The following SORL1 variants were observed in gnomAD, a reference collection of about 807,000 sequenced individuals.
SORL1 encodes sortilin-related receptor.
In SORL1, 127 loss-of-function variants were observed where a neutral mutation model predicts 273.7. The observed-to-expected ratio is 0.46, with a 90% CI of 0.40 to 0.54. The LOEUF is 0.54. SORL1 is among the 20% of genes least tolerant of loss of function. SORL1 has a pLI of 0.00. For missense variants in SORL1, 2,494 were observed against 2,846.1 expected, an observed-to-expected ratio of 0.88 and a Z score of 2.81; for synonymous variants, 1,031 against 1,067.4, an observed-to-expected ratio of 0.97 and a Z score of 0.66.
At chr11:121,579,232 T>TC (rs1253483247) in intron 25 of SORL1, among the ~76,000 whole-genome samples, 1 of 152,240 alleles carries the variant, frequency 6.6e-6, no homozygotes, top group African/African-American at 2.4e-5. Context: ...GCAGCCTTGT[T>TC]CCAAGGGCTG....
chr11:121,532,395 G>T, intron 11 of SORL1, 69 bp from the exon 12 acceptor site: 3 of 1,387,982 alleles, frequency 2.2e-6, no homozygotes, highest in Non-Finnish European at 2.0e-6. Context: ...ATGCCTGTGG[G>T]CATGTGTACA....
intron 23 of SORL1, among the ~76,000 whole-genome samples, chr11:121,572,565 TC>T (rs750496030): frequency 6.6e-6 from 1 of 152,154 alleles, no homozygotes; most frequent in Non-Finnish European, 1.5e-5. Context: ...CATGTGTGTC[TC>T]CCTCATCAAG....
chr11:121,452,416 G>T lies in SORL1; in HGVS notation c.85G>T (p.Glu29Ter). 6.6e-7 allele frequency: 1 copy of T among 1,523,302 alleles called. No individual in the cohort carries two copies. The highest frequency in any genetic ancestry group is 8.8e-7 in the Non-Finnish European group (1 of 1,138,496). The allele number at this position is 1,523,302 out of a possible 1,614,324, so 94.4% of individuals were successfully genotyped here. ...ACTGCTGCCGCCCGGAGCTCTCTGC[G>T]AAGTCTGGACGCAGAGGCTGCACGG... ...VALLPPGALC[E>*]VWTQRLHGGS... is the part of the protein sequence containing the mutation. Residue 29 changes from glutamate to a stop codon, truncating the protein, a stop_gained, in exon 1 of 48, where the codon GAA (glutamate) becomes TAA (stop). Transcript: ENST00000260197. LOFTEE classifies it high-confidence loss of function. The surrounding 1 kb of genome is among the most constrained non-coding windows in gnomAD (Gnocchi z 5.3).
At chr11:121,461,986 G>A (rs1861007883) in intron 1 of SORL1, among the ~76,000 whole-genome samples, 1 of 152,160 alleles carries the variant, frequency 6.6e-6, no homozygotes, top group South Asian at 2.1e-4. Flanking sequence ...AAATGGGGAA[G>A]ATAAGAATGA....
At chr11:121,523,777 C>G (rs540623332) in intron 11 of SORL1, among the ~76,000 whole-genome samples, 1 of 152,122 alleles carries the variant, frequency 6.6e-6, no homozygotes, top group South Asian at 2.1e-4. Flanking sequence ...ACCTTGTCAT[C>G]GAGCAGCCCC....
In SORL1 at chr11:121,605,387, T is replaced by A. The variant is rs1451097704; in HGVS notation, c.4779-15T>A. The A allele has an allele frequency of 1.2e-6, 2 of 1,601,278 alleles. No homozygotes were observed. The highest frequency in any genetic ancestry group is 2.7e-5 in the African/African-American group (2 of 74,424). On this transcript the variant is annotated splice_polypyrimidine_tract_variant and intron_variant, in intron 34 of 47. Coordinates refer to ENST00000260197, the MANE Select transcript of SORL1 (RefSeq NM_003105.6). ...TGCTCCAGTGTGACAATATCTTTAT[T>A]TTTTTTTGGGCCAGGGTGGTTGGAG...
chr11:121,619,721 T>C (rs907426159), intron 42 of SORL1, 32 bp from the exon 43 acceptor site: 3 of 1,546,724 alleles, frequency 1.9e-6, no homozygotes, highest in Non-Finnish European at 2.7e-6. Context: ...CCATGATGTA[T>C]TTTTTTTCCT....
rs1017539612 is a variant in SORL1 at position 121,479,080 on chromosome 11, A to G, written c.528+837A>G. Reference sequence around the variant, plus strand: ...CCCCGGCCTCTGAACCTGTACCGATATGGAAAAGAAAACCAAGGCAGCAGA... The same window carrying G: ...CCCCGGCCTCTGAACCTGTACCGATGTGGAAAAGAAAACCAAGGCAGCAGA... On this transcript the variant is annotated intron_variant, in intron 3 of 47. Transcript: ENST00000260197. 4.6e-5 allele frequency among the ~76,000 whole-genome samples: 7 copies of G among 152,084 alleles called. No individual in the cohort carries two copies. The East Asian group carries it at 9.7e-4, about 21-fold the overall frequency.
At chr11:121,478,977 C>T (rs552222837) in intron 3 of SORL1, among the ~76,000 whole-genome samples, 1 of 146,978 alleles carries the variant, frequency 6.8e-6, no homozygotes, top group East Asian at 2.0e-4. Context: ...TGCTTGTGTG[C>T]ACGTGGGTAC....
Position 121,452,462 on chromosome 11 carries a change from A to G in SORL1, c.131A>G (p.Gln44Arg), listed in dbSNP as rs1276253218. Residue 44 changes from glutamine (Q) to arginine (R), a missense_variant, in exon 1 of 48, where the codon CAG becomes CGG. Transcript: ENST00000260197. This position sits in a 1 kb window ranked among gnomAD's most constrained non-coding sequence, Gnocchi z 5.3. ...RLHGGSAPLP[Q>R]DRGFLVVQGD... ...CACGGCGGCAGCGCGCCCTTGCCCC[A>G]GGACCGGGGCTTCCTCGTGGTGCAG... is the stretch of plus-strand genomic sequence containing the variant. 3.3e-6 allele frequency: 5 copies of G among 1,507,628 alleles called. No homozygotes were observed. The highest frequency in any genetic ancestry group is 1.2e-5 in the South Asian group (1 of 80,328). 93.4% of individuals were successfully genotyped at this position (1,507,628 alleles called of 1,614,324 possible).
intron 1 of SORL1, among the ~76,000 whole-genome samples, chr11:121,461,941 G>A (rs753208803): frequency 1.1e-4 from 16 of 152,162 alleles, no homozygotes; most frequent in Non-Finnish European, 2.1e-4. Context: ...ACATCCACAG[G>A]CTGCATCTCA....
In SORL1 at chr11:121,631,417, C is replaced by T. The variant is rs965274420; in HGVS notation, c.*1854C>T. 2.6e-5 allele frequency: 4 copies of T among 151,362 alleles called. No homozygotes were observed. Among genetic ancestry groups the T allele is most frequent in the Admixed American group, 1.3e-4 (2 of 15,190 alleles). 9.4% of individuals were successfully genotyped at this position (151,362 alleles called of 1,614,324 possible). A position where few individuals can be genotyped will look rare whatever the true frequency, so the allele number is the denominator to read the frequency against. ...TTTTTTTGGCTTTATCTTGTCTTAC[C>T]GTAGAGATTTGTTCAAAACTCTAAG... On this transcript the variant is annotated 3_prime_UTR_variant, in exon 48 of 48. Transcript: ENST00000260197.
At position 121,604,435 on chromosome 11, in the gene SORL1, A is replaced by T. The variant is rs562474179; in HGVS notation, c.4651+111A>T. ...CTAGGACCCTTTTGAACTGTTGCTC[A>T]ATCTAAGGATAAAACAGATTTGTGC... is the stretch of plus-strand genomic sequence containing the variant. On this transcript the variant is annotated intron_variant, in intron 33 of 47. Transcript: ENST00000260197. 22 of 1,355,988 alleles carry T rather than the reference A, an allele frequency of 1.6e-5. No homozygotes were observed. In the South Asian group the frequency reaches 3.0e-4, roughly 19 times the overall value. The allele number at this position is 1,355,988 out of a possible 1,614,324, so 84.0% of individuals were successfully genotyped here. A position where few individuals can be genotyped will look rare whatever the true frequency, so the allele number is the denominator to read the frequency against.
intron 16 of SORL1, among the ~76,000 whole-genome samples, 166 bp from the exon 17 acceptor site, chr11:121,553,771 T>C (rs1248597849): frequency 6.6e-6 from 1 of 152,218 alleles, no homozygotes; most frequent in Non-Finnish European, 1.5e-5. Context: ...AGAAATGTGA[T>C]TCCATTACAC....
intron 20 of SORL1, 99 bp from the exon 21 acceptor site, chr11:121,559,420 A>C: frequency 8.0e-7 from 1 of 1,254,944 alleles, no homozygotes; most frequent in South Asian, 1.5e-5. Flanking sequence ...TCAGCCAATA[A>C]ATGTTAGTTG....
At chr11:121,509,851 A>G (rs1300825457) in intron 6 of SORL1, among the ~76,000 whole-genome samples, 2 of 152,254 alleles carry the variant, frequency 1.3e-5, no homozygotes, top group East Asian at 3.8e-4. Flanking sequence ...ACTCTATAAG[A>G]TTGAATTAGA....
At position 121,550,807 on chromosome 11, in the gene SORL1, C is replaced by T. The variant is rs1862498286; in HGVS notation, c.2266+137C>T. On this transcript the variant is annotated intron_variant, in intron 16 of 47. Transcript: ENST00000260197. This position sits in a 1 kb window ranked among gnomAD's most constrained non-coding sequence, Gnocchi z 5.3. ...GGCCGTCACAAGCATCACAGGGCTTCCTCTTTTCCCTAAGGTTGGTTTCCA... is the reference window on the plus strand; with the variant it reads ...GGCCGTCACAAGCATCACAGGGCTTTCTCTTTTCCCTAAGGTTGGTTTCCA... The T allele has an allele frequency of 1.5e-6, 1 of 659,710 alleles. No homozygotes were observed. The highest frequency in any genetic ancestry group is 3.0e-5 in the Admixed American group (1 of 33,530). 40.9% of individuals were successfully genotyped at this position (659,710 alleles called of 1,614,324 possible).
At chr11:121,552,194 C>T (rs1862517051) in intron 16 of SORL1, among the ~76,000 whole-genome samples, 1 of 152,114 alleles carries the variant, frequency 6.6e-6, no homozygotes, top group African/African-American at 2.4e-5. Flanking sequence ...AAGATGCTTT[C>T]ACAGGACTAA....
intron 40 of SORL1, among the ~76,000 whole-genome samples, chr11:121,614,129 T>G (rs1006559558): frequency 6.6e-6 from 1 of 152,256 alleles, no homozygotes; most frequent in African/African-American, 2.4e-5. Flanking sequence ...TTCTTTTTCT[T>G]AGTTTTAATA....
Sources: gnomAD v4.1 joint callset for allele counts (sites outside exome capture counted in the v4.1 genomes callset) on GRCh38, gnomAD v4.1.1 for gene constraint, Gnocchi (gnomAD v3.1) non-coding constraint, MANE v1.5 for transcripts, NCBI Gene and HGNC (gene_info 2026-07-23, HGNC 2026-07-21) for gene names.